Variants in GRID2 observed in about 807,000 individuals in gnomAD.
GRID2 encodes the protein glutamate receptor ionotropic, delta-2.
Under a neutral mutation model 114.8 loss-of-function variants are expected in GRID2, and 33 were observed. The observed-to-expected ratio is 0.29, with a 90% CI of 0.22 to 0.38. The LOEUF (loss-of-function observed/expected upper bound fraction) is 0.38. Ranked by LOEUF, GRID2 falls within the 10% of genes least tolerant of loss-of-function variation. The pLI, the probability that GRID2 is intolerant of heterozygous loss-of-function variation, is 1.00. For synonymous variants in GRID2, 505 were observed against 449.9 expected (o/e 1.12, Z -1.55); for missense variants, 1,184 against 1,257.7 (o/e 0.94, Z 0.89).
intron 8 of GRID2, among the ~76,000 whole-genome samples, chr4:93,255,144 C>A (rs1423686558): frequency 6.6e-6 from 1 of 151,956 alleles, no homozygotes; most frequent in Non-Finnish European, 1.5e-5. Flanking sequence ...ACATTTTATT[C>A]ATTCATATAC....
At chr4:93,047,360 A>G (rs565995175) in intron 2 of GRID2, among the ~76,000 whole-genome samples, 1 of 152,164 alleles carries the variant, frequency 6.6e-6, no homozygotes, top group Non-Finnish European at 1.5e-5. Flanking sequence ...TGGTTCATCA[A>G]TTATAACAAA....
chr4:93,445,919 G>A (rs1722049445), intron 10 of GRID2, among the ~76,000 whole-genome samples: 1 of 151,816 alleles, frequency 6.6e-6, no homozygotes, highest in Non-Finnish European at 1.5e-5. Context: ...GAAAATTAGA[G>A]GAAATTTTAC....
intron 13 of GRID2, among the ~76,000 whole-genome samples, chr4:93,593,158 T>G (rs2149619456): frequency 6.6e-6 from 1 of 151,298 alleles, no homozygotes; most frequent in African/African-American, 2.4e-5. Context: ...CTCGATGGGC[T>G]TTACATTTTG....
At chr4:92,981,565 T>C (rs1754215565) in intron 2 of GRID2, among the ~76,000 whole-genome samples, 1 of 152,028 alleles carries the variant, frequency 6.6e-6, no homozygotes, top group African/African-American at 2.4e-5. Flanking sequence ...CATCTCTTTA[T>C]ATTGTATCTT....
At chr4:92,953,615 C>A (rs2149138166) in intron 2 of GRID2, among the ~76,000 whole-genome samples, 1 of 152,120 alleles carries the variant, frequency 6.6e-6, no homozygotes, top group Admixed American at 6.6e-5. Flanking sequence ...AAATTACTAA[C>A]CAGAATTACA....
chr4:92,960,812 T>C (rs1281298538), intron 2 of GRID2, among the ~76,000 whole-genome samples: 1 of 151,998 alleles, frequency 6.6e-6, no homozygotes, highest in Non-Finnish European at 1.5e-5. Context: ...CTGGTTCCTT[T>C]TTTTGTCTTC....
intron 5 of GRID2, among the ~76,000 whole-genome samples, chr4:93,212,457 C>G (rs1314640307): frequency 6.6e-6 from 1 of 152,150 alleles, no homozygotes; most frequent in Non-Finnish European, 1.5e-5. Flanking sequence ...TCCCCGCAAT[C>G]AGTGGATCCA....
At chr4:93,613,722 A>T (rs369305761) in intron 13 of GRID2, among the ~76,000 whole-genome samples, 4,006 of 147,642 alleles carry the variant, frequency 0.027, 97 homozygotes, top group South Asian at 0.065. Flanking sequence ...CAAAGCTGTC[A>T]GACAGGGACA....
At chr4:93,189,773 CCACACACACACACACACA>C (rs34137840) in intron 4 of GRID2, among the ~76,000 whole-genome samples, 9 of 138,976 alleles carry the variant, frequency 6.5e-5, no homozygotes, top group South Asian at 4.8e-4. Context: ...CCACACCACA[CCACACACACACACACACA>C]CACACACACA....
downstream of GRID2, chr4:93,810,262 C>T (rs1735107432): frequency 6.6e-6 from 1 of 152,156 alleles, no homozygotes; most frequent in Non-Finnish European, 1.5e-5. Context: ...AAGCAGAAAA[C>T]TCTTCCTTTC....
intron 1 of GRID2, among the ~76,000 whole-genome samples, chr4:92,489,301 A>T (rs1438096733): frequency 6.6e-6 from 1 of 152,202 alleles, no homozygotes; most frequent in Non-Finnish European, 1.5e-5. Context: ...TAAAACATCC[A>T]TGTCCTAAAT....
intron 13 of GRID2, among the ~76,000 whole-genome samples, chr4:93,594,351 C>G (rs555986318): frequency 5.3e-5 from 8 of 152,124 alleles, no homozygotes; most frequent in Admixed American, 5.2e-4. Context: ...AGGGTGCCTC[C>G]CAGTTAGGCT....
chr4:92,821,955 T>A (rs1331894727), intron 2 of GRID2: 1 of 158,632 alleles, frequency 6.3e-6, no homozygotes, highest in Non-Finnish European at 1.4e-5. Flanking sequence ...GAAAGTCAGT[T>A]GAAAGAAACC....
intron 4 of GRID2, among the ~76,000 whole-genome samples, chr4:93,152,214 G>A (rs1736800410): frequency 2.6e-5 from 4 of 152,074 alleles, no homozygotes; most frequent in Admixed American, 6.6e-5. Context: ...AGATTAAACC[G>A]AAGCATTTTC....
At chr4:92,961,667 T>A (rs2149155803) in intron 2 of GRID2, among the ~76,000 whole-genome samples, 1 of 151,884 alleles carries the variant, frequency 6.6e-6, no homozygotes, top group East Asian at 1.9e-4. Context: ...GCATTTATCT[T>A]GCTTGCTGTT....
intron 2 of GRID2, among the ~76,000 whole-genome samples, chr4:92,922,179 T>C (rs542312614): frequency 6.6e-6 from 1 of 152,284 alleles, no homozygotes; most frequent in South Asian, 2.1e-4. Flanking sequence ...GTGTGCCGCT[T>C]GCTAAGACAG....
At chr4:93,332,061 A>G (rs1043638370) in intron 8 of GRID2, among the ~76,000 whole-genome samples, 14 of 152,148 alleles carry the variant, frequency 9.2e-5, no homozygotes, top group African/African-American at 3.4e-4. Flanking sequence ...GAGAAATATA[A>G]GACTTGCCTG....
chr4:92,320,498 A>G (rs1726253048), intron 1 of GRID2, among the ~76,000 whole-genome samples: 1 of 151,942 alleles, frequency 6.6e-6, no homozygotes, highest in African/African-American at 2.4e-5. Context: ...TTTTTGAGAC[A>G]GAGTCTCACT....
At chr4:92,399,118 T>C (rs77406500) in intron 1 of GRID2, among the ~76,000 whole-genome samples, 224 of 152,296 alleles carry the variant, frequency 1.5e-3, no homozygotes, top group Non-Finnish European at 2.0e-3. Context: ...GGTAAGTAAA[T>C]GTGGAGATAT....
Sources: allele counts gnomAD v4.1 joint callset (sites outside exome capture counted in the v4.1 genomes callset), GRCh38; gene constraint gnomAD v4.1.1; transcripts MANE v1.5; gene names NCBI Gene and HGNC (gene_info 2026-07-23, HGNC 2026-07-21).